Variants in KLF12 observed in about 807,000 individuals in gnomAD.
The protein encoded by KLF12 is Krueppel-like factor 12.
Under a neutral mutation model 37.8 loss-of-function variants are expected in KLF12, and 9 were observed. The ratio of observed to expected loss-of-function variants is 0.24; its 90% CI spans 0.14 to 0.42. The LOEUF (loss-of-function observed/expected upper bound fraction) is 0.42. Among genes scored for constraint, KLF12 ranks in the 10% least tolerant of loss-of-function variants. The pLI, the probability that KLF12 is intolerant of heterozygous loss-of-function variation, is 1.00. For missense variants in KLF12, 411 were observed against 516.0 expected (o/e 0.80, Z 1.97); for synonymous variants, 208 against 202.1 (o/e 1.03, Z -0.25).
intron 3 of KLF12, among the ~76,000 whole-genome samples, chr13:73,933,242 T>C (rs944057645): frequency 2.0e-5 from 3 of 152,190 alleles, no homozygotes; most frequent in Admixed American, 6.5e-5. Flanking sequence ...TTGATATGAA[T>C]ACAGGGCACC....
intron 2 of KLF12, among the ~76,000 whole-genome samples, chr13:73,974,516 G>A (rs938496074): frequency 1.3e-5 from 2 of 152,078 alleles, no homozygotes; most frequent in African/African-American, 4.8e-5. Context: ...TATATTTAAA[G>A]ATGCAAGAAG....
chr13:74,080,582 A>T (rs1874825147), intron 1 of KLF12, among the ~76,000 whole-genome samples: 1 of 152,120 alleles, frequency 6.6e-6, no homozygotes, highest in Non-Finnish European at 1.5e-5. Flanking sequence ...CCTGCCTCCC[A>T]TCCCAAGCCT....
At chr13:74,299,409 C>T in the KLF12 span, among the ~76,000 whole-genome samples, 1 of 152,120 alleles carries the variant, frequency 6.6e-6, no homozygotes, top group Admixed American at 6.5e-5. Flanking sequence ...TTTTTATTTG[C>T]TTACTTCATA....
At chr13:73,717,891 G>A (rs565100857) in intron 6 of KLF12, among the ~76,000 whole-genome samples, 5 of 152,246 alleles carry the variant, frequency 3.3e-5, no homozygotes, top group African/African-American at 1.2e-4. Context: ...TGATAACAGA[G>A]CAACAGTAAT....
At chr13:74,250,979 C>A in the KLF12 span, among the ~76,000 whole-genome samples, 1 of 152,162 alleles carries the variant, frequency 6.6e-6, no homozygotes, top group Non-Finnish European at 1.5e-5. Flanking sequence ...AGCCCAGGAT[C>A]TCCATCCCCT....
At chr13:73,713,529 C>T (rs1182225071) in intron 7 of KLF12, among the ~76,000 whole-genome samples, 1 of 152,180 alleles carries the variant, frequency 6.6e-6, no homozygotes, top group Non-Finnish European at 1.5e-5. Context: ...AGGGGTTCCC[C>T]GAATTAGGAA....
chr13:74,183,937 C>T, the KLF12 span, among the ~76,000 whole-genome samples: 1 of 152,090 alleles, frequency 6.6e-6, no homozygotes, highest in African/African-American at 2.4e-5. Context: ...GACCCTGTCT[C>T]AAAAAATATA....
chr13:74,175,153 A>C, the KLF12 span, among the ~76,000 whole-genome samples: 3 of 152,186 alleles, frequency 2.0e-5, no homozygotes, highest in Non-Finnish European at 4.4e-5. Context: ...ACCATTGCAC[A>C]TTCAGATCCC....
At chr13:74,036,950 A>G (rs2138514763) in intron 1 of KLF12, among the ~76,000 whole-genome samples, 1 of 152,278 alleles carries the variant, frequency 6.6e-6, no homozygotes, top group East Asian at 1.9e-4. Context: ...TCACGCCTGT[A>G]ATCCCAGCAC....
chr13:73,810,982 C>CTTTCTTTCTTTTT (rs1555308731), intron 5 of KLF12, among the ~76,000 whole-genome samples: 3 of 44,806 alleles, frequency 6.7e-5, no homozygotes, highest in African/African-American at 1.7e-4. Context: ...ATTTTTCTTT[C>CTTTCTTTCTTTTT]TTTTTTTTTT....
chr13:74,100,202 A>T (rs909334097), intron 1 of KLF12, among the ~76,000 whole-genome samples: 8 of 152,216 alleles, frequency 5.3e-5, no homozygotes, highest in Admixed American at 3.3e-4. Context: ...TGAGGATAAC[A>T]AGAGCCAGGC....
At chr13:73,944,808 G>A (rs1890344880) in intron 2 of KLF12, among the ~76,000 whole-genome samples, 1 of 152,110 alleles carries the variant, frequency 6.6e-6, no homozygotes, top group African/African-American at 2.4e-5. Context: ...TATTTTCTAC[G>A]TAATTGTCAC....
At chr13:74,050,892 G>C (rs1019271295) in intron 1 of KLF12, among the ~76,000 whole-genome samples, 2 of 152,026 alleles carry the variant, frequency 1.3e-5, no homozygotes, top group African/African-American at 4.8e-5. Context: ...AATCTAAACA[G>C]ACATTTCTCA....
chr13:74,196,142 A>C, the KLF12 span, among the ~76,000 whole-genome samples: 2 of 152,210 alleles, frequency 1.3e-5, no homozygotes, highest in Non-Finnish European at 2.9e-5. Flanking sequence ...CACATACAAC[A>C]ACCATGTGTC....
At chr13:73,785,721 T>G (rs1881297856) in intron 5 of KLF12, among the ~76,000 whole-genome samples, 1 of 152,134 alleles carries the variant, frequency 6.6e-6, no homozygotes, top group Non-Finnish European at 1.5e-5. Context: ...AGAGTCATGC[T>G]CTGAGGTATC....
intron 1 of KLF12, among the ~76,000 whole-genome samples, chr13:74,127,688 AATC>A (rs1350112481): frequency 1.3e-5 from 2 of 152,254 alleles, no homozygotes; most frequent in Non-Finnish European, 2.9e-5. Context: ...GTTGCGGAGA[AATC>A]ATGCGTGATT....
intron 4 of KLF12, among the ~76,000 whole-genome samples, chr13:73,829,280 G>T (rs56994264): frequency 0.026 from 3,921 of 152,250 alleles, 121 homozygotes; most frequent in African/African-American, 0.073. Flanking sequence ...ATTTAAAAAA[G>T]AAATCTTAAT....
chr13:74,146,780 G>A, the KLF12 span, among the ~76,000 whole-genome samples: 1 of 152,014 alleles, frequency 6.6e-6, no homozygotes, highest in Non-Finnish European at 1.5e-5. Context: ...TAGCCAATGG[G>A]GTAGGTGAAA....
the KLF12 span, among the ~76,000 whole-genome samples, chr13:74,222,721 G>A: frequency 6.6e-5 from 10 of 152,244 alleles, no homozygotes; most frequent in Non-Finnish European, 1.3e-4. Flanking sequence ...TAATTTAATA[G>A]CCTAAATAAA....
Sources: allele counts gnomAD v4.1 joint callset (sites outside exome capture counted in the v4.1 genomes callset), GRCh38; gene constraint gnomAD v4.1.1; transcripts MANE v1.5; gene names NCBI Gene and HGNC (gene_info 2026-07-23, HGNC 2026-07-21).